R3HDM1: variants seen among roughly 807,000 people sequenced by gnomAD.
R3HDM1 encodes R3H domain-containing protein 1.
R3HDM1 carries 46 observed loss-of-function variants against 141.1 expected under a neutral mutation model. The ratio of observed to expected loss-of-function variants is 0.33; its 90% CI spans 0.26 to 0.42. The LOEUF (loss-of-function observed/expected upper bound fraction) is 0.42. Among genes scored for constraint, R3HDM1 ranks in the 10% least tolerant of loss-of-function variants. The pLI, the probability that R3HDM1 is intolerant of heterozygous loss-of-function variation, is 1.00. For missense variants in R3HDM1, 1,184 were observed against 1,368.3 expected (o/e 0.87, Z 2.12); for synonymous variants, 435 against 472.9 (o/e 0.92, Z 1.04).
At chr2:135,568,880 A>C (rs1703415472) in intron 1 of R3HDM1, 1 of 152,166 alleles carries the variant, frequency 6.6e-6, no homozygotes, top group Admixed American at 6.5e-5. Flanking sequence ...CTAAAAGTCA[A>C]ATAATGTGTA....
At chr2:135,629,865 T>C (rs1173951467) in intron 7 of R3HDM1, among the ~76,000 whole-genome samples, 1 of 152,092 alleles carries the variant, frequency 6.6e-6, no homozygotes, top group South Asian at 2.1e-4. Context: ...AAGATTGTTA[T>C]GCATGTTTCA....
chr2:135,655,778 G>A lies in R3HDM1; in HGVS notation c.2028+3746G>A, dbSNP rs2065797336. On this transcript the variant is annotated intron_variant, in intron 18 of 26. Coordinates refer to ENST00000683871, the MANE Select transcript of R3HDM1 (RefSeq NM_001378107.1). Reference sequence around the variant, plus strand: ...CAAAGTGCTGGGATTACAGATGTGAGCCACCGCACCTGGCCTACTCTGTTC... The same window carrying A: ...CAAAGTGCTGGGATTACAGATGTGAACCACCGCACCTGGCCTACTCTGTTC... Among the ~76,000 whole-genome samples the A allele has an allele frequency of 2.6e-5, 4 of 152,054 alleles. No individual in the cohort carries two copies. In the South Asian group the frequency reaches 8.3e-4, roughly 32 times the overall value.
intron 19 of R3HDM1, chr2:135,670,320 T>A: frequency 3.0e-6 from 3 of 985,144 alleles, no homozygotes; most frequent in Non-Finnish European, 3.6e-6. Flanking sequence ...GCTGACAGAG[T>A]TTGCTCTAAA....
chr2:135,532,134 G>A (rs1694983510), intron 1 of R3HDM1, among the ~76,000 whole-genome samples: 1 of 152,114 alleles, frequency 6.6e-6, no homozygotes, highest in African/African-American at 2.4e-5. Flanking sequence ...TCCCCCGGCC[G>A]CCCCACGGCC....
At chr2:135,703,473 T>G (rs1206809039) in intron 21 of R3HDM1, among the ~76,000 whole-genome samples, 4 of 152,216 alleles carry the variant, frequency 2.6e-5, no homozygotes, top group Non-Finnish European at 4.4e-5. Context: ...GCTTTCCTTA[T>G]CATCCTGGCA....
chr2:135,566,217 G>T (rs16831827), intron 1 of R3HDM1, among the ~76,000 whole-genome samples: 24,720 of 152,096 alleles, frequency 0.16, 5,539 homozygotes, highest in African/African-American at 0.51. Context: ...ACTTCTACCT[G>T]CCCTGAGCTA....
At chr2:135,696,088 G>A (rs564440633) in intron 21 of R3HDM1, among the ~76,000 whole-genome samples, 1 of 152,118 alleles carries the variant, frequency 6.6e-6, no homozygotes, top group Non-Finnish European at 1.5e-5. Context: ...AAACCCAAAT[G>A]TCCACCCACA....
intron 21 of R3HDM1, among the ~76,000 whole-genome samples, chr2:135,681,521 G>A (rs1488854965): frequency 1.3e-5 from 2 of 152,156 alleles, no homozygotes; most frequent in Admixed American, 6.5e-5. Flanking sequence ...GGTCTAAAGC[G>A]TGAGAAAATG....
At chr2:135,547,197 A>AT (rs1230922725) in intron 1 of R3HDM1, among the ~76,000 whole-genome samples, 1 of 152,076 alleles carries the variant, frequency 6.6e-6, no homozygotes, top group East Asian at 1.9e-4. Context: ...ACTTAACTAC[A>AT]TTTCTAAAAT....
At chr2:135,572,242 A>C (rs1020949799) in intron 1 of R3HDM1, among the ~76,000 whole-genome samples, 2 of 152,236 alleles carry the variant, frequency 1.3e-5, no homozygotes, top group Non-Finnish European at 2.9e-5. Flanking sequence ...GGCATGAGCC[A>C]CTGCACCTGG....
At chr2:135,648,002 A>G (rs2064668080) in intron 16 of R3HDM1, among the ~76,000 whole-genome samples, 1 of 152,270 alleles carries the variant, frequency 6.6e-6, no homozygotes, top group South Asian at 2.1e-4. Flanking sequence ...CCAGCTGACT[A>G]AAACTTTTGT....
chr2:135,679,896 A>G (rs1201130633), intron 20 of R3HDM1, among the ~76,000 whole-genome samples: 1 of 152,174 alleles, frequency 6.6e-6, no homozygotes, highest in African/African-American at 2.4e-5. Context: ...CCTGACCAAC[A>G]TGGTGAAACC....
intron 1 of R3HDM1, chr2:135,584,025 A>C: frequency 5.1e-6 from 5 of 985,422 alleles, no homozygotes; most frequent in Non-Finnish European, 6.0e-6. Context: ...CAAAAAGTTA[A>C]ATTTTATTAA....
intron 1 of R3HDM1, chr2:135,581,139 A>G: frequency 6.2e-6 from 6 of 962,194 alleles, no homozygotes; most frequent in Non-Finnish European, 7.4e-6. Flanking sequence ...GCTGGAGACC[A>G]GTAAGAAGCC....
At chr2:135,722,592 C>G in intron 26 of R3HDM1, 39 bp downstream of exon 26, 1 of 1,567,620 alleles carries the variant, frequency 6.4e-7, no homozygotes, top group South Asian at 1.1e-5. Flanking sequence ...GGTCTGCAAA[C>G]TGGTGACAGT....
chr2:135,626,200 CG>C (rs2062010899), intron 7 of R3HDM1, among the ~76,000 whole-genome samples: 8 of 140,674 alleles, frequency 5.7e-5, no homozygotes, highest in African/African-American at 1.9e-4. Flanking sequence ...TGCGTGCGTG[CG>C]TGCGTGCGTG....
At chr2:135,588,440 AC>A in intron 1 of R3HDM1, among the ~76,000 whole-genome samples, 1 of 150,980 alleles carries the variant, frequency 6.6e-6, no homozygotes, top group East Asian at 1.9e-4. Context: ...ACACACATTC[AC>A]TCTGCAAATT....
intron 26 of R3HDM1, among the ~76,000 whole-genome samples, chr2:135,723,263 A>G (rs1297997751): frequency 6.6e-6 from 1 of 151,846 alleles, no homozygotes; most frequent in Non-Finnish European, 1.5e-5. Flanking sequence ...CTGGGATTAC[A>G]GTCGCCCACC....
chr2:135,693,695 GAGAA>G (rs2072792175), intron 21 of R3HDM1, among the ~76,000 whole-genome samples: 3 of 152,194 alleles, frequency 2.0e-5, no homozygotes. Context: ...AAAACTAGAA[GAGAA>G]AGAACTAAAG....
Sources: gnomAD v4.1 joint callset for allele counts (sites outside exome capture counted in the v4.1 genomes callset) on GRCh38, gnomAD v4.1.1 for gene constraint, MANE v1.5 for transcripts, NCBI Gene and HGNC (gene_info 2026-07-23, HGNC 2026-07-21) for gene names.